Variants in DOCK2 observed in about 807,000 individuals in gnomAD.
DOCK2 encodes the protein dedicator of cytokinesis 2.
A neutral mutation model predicts 248.9 loss-of-function variants in DOCK2; 87 were observed. That is an observed-to-expected ratio of 0.35 (90% CI 0.29 to 0.42). The LOEUF (loss-of-function observed/expected upper bound fraction) is 0.42, where lower values mean the gene tolerates loss of function less well. Ranked by LOEUF, DOCK2 falls within the 10% of genes least tolerant of loss-of-function variation. DOCK2 has a pLI of 1.00. For missense variants in DOCK2, 1,747 were observed against 2,300.2 expected (o/e 0.76, Z 4.92); for synonymous variants, 805 against 821.6 (o/e 0.98, Z 0.35).
At chr5:169,886,414 G>A (rs1451547741) in intron 27 of DOCK2, among the ~76,000 whole-genome samples, 1 of 152,146 alleles carries the variant, frequency 6.6e-6, no homozygotes, top group Non-Finnish European at 1.5e-5. Context: ...TTTTAGGTCT[G>A]GGAGAATCCC....
At position 169,885,076 on chromosome 5, in the gene DOCK2, G is replaced by A. The variant is rs1336357262; in HGVS notation, c.2799+44224G>A. Among the ~76,000 whole-genome samples the A allele has an allele frequency of 2.0e-5, 3 of 152,260 alleles. No homozygotes were observed. In the East Asian group the frequency reaches 5.8e-4, roughly 29 times the overall value. ...CAGCCAACTCCTGTTCATCAGTCAA[G>A]TCCCAGCAATTTCTCAGGCAGCCTT... On this transcript the variant is annotated intron_variant, in intron 27 of 51. Coordinates refer to ENST00000520908, the MANE Select transcript of DOCK2 (RefSeq NM_004946.3).
chr5:169,747,155 A>G (rs1190455065), intron 22 of DOCK2, among the ~76,000 whole-genome samples: 1 of 152,096 alleles, frequency 6.6e-6, no homozygotes, highest in Non-Finnish European at 1.5e-5. Context: ...CTTGGGGTTT[A>G]AAAAAATACG....
intron 22 of DOCK2, among the ~76,000 whole-genome samples, chr5:169,735,510 C>G (rs1762990149): frequency 6.6e-6 from 1 of 152,164 alleles, no homozygotes; most frequent in Non-Finnish European, 1.5e-5. Flanking sequence ...GGTCAAAGCT[C>G]CCTATTTTAC....
intron 26 of DOCK2, among the ~76,000 whole-genome samples, chr5:169,822,879 T>C (rs1490189760): frequency 1.3e-5 from 2 of 152,044 alleles, no homozygotes; most frequent in Non-Finnish European, 2.9e-5. Flanking sequence ...CTAGCAAGAC[T>C]AATAAAGAGG....
intron 14 of DOCK2, 172 bp downstream of exon 14, chr5:169,702,599 T>C: frequency 1.2e-6 from 1 of 838,272 alleles, no homozygotes; most frequent in Non-Finnish European, 1.7e-6. Context: ...TGTTCCATAA[T>C]AAGACCTTGT....
intron 27 of DOCK2, among the ~76,000 whole-genome samples, chr5:169,851,429 T>A (rs1770612436): frequency 6.6e-6 from 1 of 152,166 alleles, no homozygotes; most frequent in Non-Finnish European, 1.5e-5. Context: ...AGAGGGAATA[T>A]GAGGTTCCTT....
chr5:169,752,797 T>G (rs911724693), intron 23 of DOCK2, among the ~76,000 whole-genome samples: 1 of 152,030 alleles, frequency 6.6e-6, no homozygotes, highest in Non-Finnish European at 1.5e-5. Flanking sequence ...CCGGGCGCCG[T>G]GACTCACGCC....
intron 27 of DOCK2, among the ~76,000 whole-genome samples, chr5:169,932,225 G>T (rs977304087): frequency 4.6e-5 from 7 of 152,322 alleles, no homozygotes; most frequent in African/African-American, 1.7e-4. Flanking sequence ...AGAGTAAGGA[G>T]GGTGGGTCCC....
intron 27 of DOCK2, among the ~76,000 whole-genome samples, chr5:169,941,888 C>T (rs1266056481): frequency 6.6e-6 from 1 of 152,206 alleles, no homozygotes; most frequent in Admixed American, 6.5e-5. Context: ...GGTCACGCTG[C>T]ATCAGGAACT....
At chr5:169,894,124 A>T (rs1298101003) in intron 27 of DOCK2, among the ~76,000 whole-genome samples, 3 of 152,180 alleles carry the variant, frequency 2.0e-5, no homozygotes, top group African/African-American at 7.2e-5. Flanking sequence ...TTTTCAAAGC[A>T]TTTTTAGATT....
intron 26 of DOCK2, among the ~76,000 whole-genome samples, chr5:169,826,671 C>A (rs1768883086): frequency 6.6e-6 from 1 of 152,058 alleles, no homozygotes. Context: ...GGGTTGGCAG[C>A]AAGAATATAT....
intron 25 of DOCK2, among the ~76,000 whole-genome samples, chr5:169,790,661 C>T (rs1766279851): frequency 6.6e-6 from 1 of 152,190 alleles, no homozygotes; most frequent in African/African-American, 2.4e-5. Context: ...CTTTAACATG[C>T]TCTCCTTTGG....
chr5:170,051,679 G>A (rs368594770), intron 41 of DOCK2, among the ~76,000 whole-genome samples: 18 of 152,248 alleles, frequency 1.2e-4, no homozygotes, highest in Non-Finnish European at 1.8e-4. Context: ...TCGGCTCCAC[G>A]AGGGAAGATG....
Position 169,903,292 on chromosome 5 carries a change from AAAAC to A in DOCK2, c.2799+62443_2799+62446del, listed in dbSNP as rs576537985. 3.2e-4 allele frequency among the ~76,000 whole-genome samples: 48 copies of A among 148,146 alleles called. No individual in the cohort carries two copies. The South Asian group carries it at 0.011, about 33-fold the overall frequency. ...AACACAGTGAGATCCCCATCTCTAA[AAAAC>A]AACAACAACAACAATAAAAAAAAAA... On this transcript the variant is annotated intron_variant, in intron 27 of 51. Transcript: ENST00000520908.
chr5:170,061,703 T>A (rs17671297), intron 44 of DOCK2, among the ~76,000 whole-genome samples: 14,035 of 152,280 alleles, frequency 0.092, 1,291 homozygotes, highest in East Asian at 0.44. Flanking sequence ...ACTTTGGGAA[T>A]CTAAAAATAG....
intron 25 of DOCK2, among the ~76,000 whole-genome samples, chr5:169,789,130 A>G (rs1373578239): frequency 6.6e-6 from 1 of 152,186 alleles, no homozygotes; most frequent in Non-Finnish European, 1.5e-5. Flanking sequence ...GCTAAGGATA[A>G]TGGCCTCCAG....
At chr5:169,972,586 T>TGATA (rs1554122914) in intron 27 of DOCK2, among the ~76,000 whole-genome samples, 11,376 of 68,308 alleles carry the variant, frequency 0.17, 661 homozygotes, top group East Asian at 0.26. Context: ...GATAGATAGA[T>TGATA]GATAGATAGA....
rs573397443 is a variant in DOCK2 at position 169,706,429 on chromosome 5, G to A, written c.1384-1740G>A. On this transcript the variant is annotated intron_variant, in intron 14 of 51. Coordinates refer to ENST00000520908, the MANE Select transcript of DOCK2 (RefSeq NM_004946.3). Reference sequence around the variant, plus strand: ...TTGTCCTGGCTTTGCCACTTTTTGGGCAAGTGGTTTAATCTCTCAGGGACT... The same window carrying A: ...TTGTCCTGGCTTTGCCACTTTTTGGACAAGTGGTTTAATCTCTCAGGGACT... Among the ~76,000 whole-genome samples the A allele has an allele frequency of 2.0e-5, 3 of 152,288 alleles. 1 individual carries two copies. Among genetic ancestry groups the A allele is most frequent in the South Asian group, 4.1e-4 (2 of 4,832 alleles).
chr5:169,749,190 T>C (rs767595358), intron 23 of DOCK2, among the ~76,000 whole-genome samples: 11 of 152,218 alleles, frequency 7.2e-5, no homozygotes, highest in Admixed American at 5.2e-4. Context: ...GTGGAAAGCA[T>C]CATTGGTTTT....
Sources: gnomAD v4.1 joint callset for allele counts (sites outside exome capture counted in the v4.1 genomes callset) on GRCh38, gnomAD v4.1.1 for gene constraint, MANE v1.5 for transcripts, NCBI Gene and HGNC (gene_info 2026-07-23, HGNC 2026-07-21) for gene names.